The following GRM7 variants were observed in gnomAD, a reference collection of about 807,000 sequenced individuals.
GRM7 encodes glutamate metabotropic receptor 7, also known as metabotropic glutamate receptor 7.
GRM7 carries 35 observed loss-of-function variants against 84.5 expected under a neutral mutation model. The observed-to-expected ratio is 0.41, with a 90% confidence interval of 0.32 to 0.55. GRM7 has a LOEUF of 0.55. GRM7 is among the 20% of genes least tolerant of loss of function. GRM7 has a pLI of 0.19. For synonymous variants in GRM7, 487 were observed against 455.1 expected, an observed-to-expected ratio of 1.07 and a Z score of -0.89; for missense variants, 1,003 against 1,194.6, an observed-to-expected ratio of 0.84 and a Z score of 2.36.
At chr3:7,390,441 T>A (rs1460491226) in intron 4 of GRM7, among the ~76,000 whole-genome samples, 1 of 152,158 alleles carries the variant, frequency 6.6e-6, no homozygotes, top group Non-Finnish European at 1.5e-5. Context: ...CACATATTGT[T>A]TCTAAGTTGT....
At chr3:7,584,242 A>T (rs780695618) in intron 8 of GRM7, among the ~76,000 whole-genome samples, 2 of 152,250 alleles carry the variant, frequency 1.3e-5, no homozygotes, top group Admixed American at 6.5e-5. Flanking sequence ...ACCTCATTCT[A>T]TCTGCAAATT....
At chr3:7,196,302 A>G (rs1695877138) in intron 2 of GRM7, among the ~76,000 whole-genome samples, 2 of 152,108 alleles carry the variant, frequency 1.3e-5, no homozygotes, top group African/African-American at 4.8e-5. Context: ...CTCAAAGTCC[A>G]CCCATTTAAA....
At chr3:7,283,712 T>C (rs1248405939) in intron 2 of GRM7, among the ~76,000 whole-genome samples, 1 of 152,164 alleles carries the variant, frequency 6.6e-6, no homozygotes, top group African/African-American at 2.4e-5. Context: ...ACTACACAAT[T>C]ATTTCCTACT....
At chr3:7,129,634 C>T (rs891826414) in intron 1 of GRM7, among the ~76,000 whole-genome samples, 1 of 152,048 alleles carries the variant, frequency 6.6e-6, no homozygotes, top group African/African-American at 2.4e-5. Flanking sequence ...CCCTTTCTTA[C>T]TGCTTGAGAG....
chr3:7,713,471 C>A (rs1373974027), intron 9 of GRM7, among the ~76,000 whole-genome samples: 1 of 152,004 alleles, frequency 6.6e-6, no homozygotes, highest in Non-Finnish European at 1.5e-5. Flanking sequence ...GGGACACAAT[C>A]CAATCTATAA....
rs184052048 is a variant in GRM7 at position 7,276,763 on chromosome 3, C to G, written c.737-21921C>G. Among the ~76,000 whole-genome samples the G allele has an allele frequency of 4.4e-3, 610 of 137,382 alleles. 21 individuals carry two copies. The highest frequency in any genetic ancestry group is 0.038 in the East Asian group (168 of 4,380). The allele number at this position is 137,382 out of a possible 152,430, so 90.1% of individuals were successfully genotyped here. On this transcript the variant is annotated intron_variant, in intron 2 of 9. Coordinates refer to ENST00000357716, the MANE Select transcript of GRM7 (RefSeq NM_000844.4). ...TTTCTTTCTGTTTCTTTCTCTCTTT[C>G]TCCCTTCCTTCCTTCCTTCCTTCCT... is the stretch of plus-strand genomic sequence containing the variant.
chr3:7,637,358 CAT>C (rs1012901435), intron 8 of GRM7, among the ~76,000 whole-genome samples: 4 of 152,152 alleles, frequency 2.6e-5, no homozygotes, highest in African/African-American at 7.2e-5. Context: ...GTGGCTTGAT[CAT>C]ATGTTTCCTT....
intron 1 of GRM7, among the ~76,000 whole-genome samples, chr3:7,102,198 A>G (rs1699134227): frequency 6.6e-6 from 1 of 151,706 alleles, no homozygotes; most frequent in South Asian, 2.1e-4. Flanking sequence ...TCTTGCATGC[A>G]GTTCTGCTGC....
chr3:7,392,132 A>G (rs1695027402), intron 4 of GRM7, among the ~76,000 whole-genome samples: 1 of 150,418 alleles, frequency 6.6e-6, no homozygotes, highest in Non-Finnish European at 1.5e-5. Flanking sequence ...ATCTCCAGGT[A>G]AGTGGACTGT....
chr3:7,602,237 G>A (rs1207450782), intron 8 of GRM7, among the ~76,000 whole-genome samples: 1 of 152,060 alleles, frequency 6.6e-6, no homozygotes, highest in Admixed American at 6.6e-5. Context: ...AAGAGGCAGG[G>A]AAAGTAGAGG....
intron 4 of GRM7, among the ~76,000 whole-genome samples, chr3:7,398,191 A>C (rs936591485): frequency 6.6e-6 from 1 of 152,184 alleles, no homozygotes; most frequent in Admixed American, 6.5e-5. Context: ...GTGAGAAAGC[A>C]CTTAGGAAAT....
chr3:7,349,349 A>T (rs950706112), intron 4 of GRM7, among the ~76,000 whole-genome samples: 3 of 152,128 alleles, frequency 2.0e-5, no homozygotes, highest in Non-Finnish European at 2.9e-5. Flanking sequence ...TATTAGCATA[A>T]AGTGGCCCAG....
intron 1 of GRM7, among the ~76,000 whole-genome samples, chr3:7,145,186 T>A (rs1694070388): frequency 6.6e-6 from 1 of 152,134 alleles, no homozygotes; most frequent in Non-Finnish European, 1.5e-5. Context: ...ACTGGACTTT[T>A]GGGCTTGGTC....
At chr3:6,944,761 C>T (rs1048765505) in intron 1 of GRM7, among the ~76,000 whole-genome samples, 3 of 152,054 alleles carry the variant, frequency 2.0e-5, no homozygotes, top group Admixed American at 2.0e-4. Flanking sequence ...TTATTTCTGT[C>T]TTACTTATTT....
intron 7 of GRM7, among the ~76,000 whole-genome samples, chr3:7,548,697 A>G (rs1409826663): frequency 2.0e-5 from 3 of 152,172 alleles, no homozygotes; most frequent in East Asian, 3.9e-4. Context: ...CCTCCCATTT[A>G]TCTAACTCAA....
chr3:7,102,324 T>G (rs1459815901), intron 1 of GRM7, among the ~76,000 whole-genome samples: 1 of 151,772 alleles, frequency 6.6e-6, no homozygotes, highest in African/African-American at 2.4e-5. Context: ...GGATTTTGGT[T>G]AATAATTCAT....
chr3:7,665,534 C>A (rs1000144942), intron 8 of GRM7, among the ~76,000 whole-genome samples: 2 of 152,154 alleles, frequency 1.3e-5, no homozygotes, highest in Admixed American at 6.5e-5. Flanking sequence ...GGCAAATATG[C>A]ACTCCATGGT....
At chr3:7,446,308 G>T (rs1363123499) in intron 5 of GRM7, among the ~76,000 whole-genome samples, 1 of 152,122 alleles carries the variant, frequency 6.6e-6, no homozygotes. Context: ...TATGCTGGTT[G>T]TTCAGATCTG....
intron 1 of GRM7, among the ~76,000 whole-genome samples, chr3:7,119,417 C>T (rs1274176557): frequency 6.6e-6 from 1 of 152,020 alleles, no homozygotes; most frequent in Non-Finnish European, 1.5e-5. Context: ...GTTCATGATG[C>T]CTTCTTGAGA....
Sources: gnomAD v4.1 joint callset for allele counts (sites outside exome capture counted in the v4.1 genomes callset) on GRCh38, gnomAD v4.1.1 for gene constraint, MANE v1.5 for transcripts, NCBI Gene and HGNC (gene_info 2026-07-23, HGNC 2026-07-21) for gene names.